The following WWP1 variants were observed in gnomAD, a reference collection of about 807,000 sequenced individuals.
The protein encoded by WWP1 is WW domain containing E3 ubiquitin protein ligase 1.
In WWP1, 49 loss-of-function variants were observed where a neutral mutation model predicts 130.6. That is an observed-to-expected ratio of 0.38 (90% CI 0.30 to 0.48). The LOEUF is 0.48. WWP1 is among the 20% of genes least tolerant of loss of function. The pLI is 0.99. For missense variants in WWP1, 809 were observed against 1,100.6 expected (o/e 0.74, Z 3.75); for synonymous variants, 332 against 367.8 (o/e 0.90, Z 1.11).
At chr8:86,424,858 G>GGGGGA (rs1809523395) in intron 9 of WWP1, among the ~76,000 whole-genome samples, 1 of 121,914 alleles carries the variant, frequency 8.2e-6, no homozygotes, top group Admixed American at 8.5e-5. Flanking sequence ...GGGAGGGGGA[G>GGGGGA]GGGGAGGGGA....
At position 86,435,497 on chromosome 8, in the gene WWP1, G is replaced by A; in HGVS notation, c.1647G>A (p.Trp549Ter). Reference sequence around the variant, plus strand: ...TTGCTTATGAACGCGGCTTTAGGTGGAAGCTTGCTCACTTCCGTTATTTGT... The same window carrying A: ...TTGCTTATGAACGCGGCTTTAGGTGAAAGCTTGCTCACTTCCGTTATTTGT... ...PQIAYERGFR[W>*]KLAHFRYLCQ... Residue 549 changes from tryptophan to a stop codon, truncating the protein, a stop_gained, in exon 15 of 25, where the codon TGG becomes TGA. Transcript: ENST00000517970. LOFTEE classifies it high-confidence loss of function. The A allele has an allele frequency of 6.2e-7, 1 of 1,614,124 alleles. No individual in the cohort carries two copies. The highest frequency in any genetic ancestry group is 8.5e-7 in the Non-Finnish European group (1 of 1,180,022).
chr8:86,424,693 C>T (rs1296946016), intron 9 of WWP1, among the ~76,000 whole-genome samples: 1 of 151,604 alleles, frequency 6.6e-6, no homozygotes, highest in Non-Finnish European at 1.5e-5. Context: ...CAATCGCAGG[C>T]ACTCGGCAGG....
chr8:86,448,350 G>GTA, intron 19 of WWP1, 23 bp from the exon 20 acceptor site: 2 of 1,603,078 alleles, frequency 1.2e-6, no homozygotes, highest in East Asian at 2.2e-5. Context: ...GTTAATTAGT[G>GTA]TATATATATT....
chr8:86,428,459 A>T (rs1046258476), intron 11 of WWP1, among the ~76,000 whole-genome samples: 2 of 152,222 alleles, frequency 1.3e-5, no homozygotes, highest in African/African-American at 2.4e-5. Flanking sequence ...GGACAACTAC[A>T]GATAGTGTTT....
At chr8:86,377,140 C>T (rs1279117257) in intron 3 of WWP1, among the ~76,000 whole-genome samples, 2 of 152,136 alleles carry the variant, frequency 1.3e-5, no homozygotes, top group Admixed American at 6.5e-5. Context: ...GGCTGGAGTG[C>T]AGTGGCGTGA....
At chr8:86,404,577 T>C (rs188760587) in intron 8 of WWP1, among the ~76,000 whole-genome samples, 1,906 of 152,306 alleles carry the variant, frequency 0.013, 50 homozygotes, top group Non-Finnish European at 0.014. Flanking sequence ...ACATGAAGGT[T>C]CCATCATAAA....
At position 86,360,384 on chromosome 8, in the gene WWP1, T is replaced by C. The variant is rs115091634; in HGVS notation, c.-114-8555T>C. Among the ~76,000 whole-genome samples, 1,504 of 152,322 alleles carry C rather than the reference T, an allele frequency of 9.9e-3. 28 individuals are homozygous for C. The highest frequency in any genetic ancestry group is 0.034 in the African/African-American group (1,434 of 41,578). ...ATCTTACCTTGGTGGAGTTGGTCACTGTTTCCTCCTCCTTGAAATTCTTCC... is the reference window on the plus strand; with the variant it reads ...ATCTTACCTTGGTGGAGTTGGTCACCGTTTCCTCCTCCTTGAAATTCTTCC... On this transcript the variant is annotated intron_variant, in intron 1 of 24. Coordinates refer to ENST00000517970, the MANE Select transcript of WWP1 (RefSeq NM_007013.4).
intron 1 of WWP1, among the ~76,000 whole-genome samples, chr8:86,364,827 GAAAGAA>G (rs763439842): frequency 6.7e-4 from 82 of 122,694 alleles, no homozygotes; most frequent in African/African-American, 2.1e-3. Context: ...AAGAAAGAAA[GAAAGAA>G]AGAGAGAGAG....
At chr8:86,361,852 G>C (rs1344950059) in intron 1 of WWP1, among the ~76,000 whole-genome samples, 1 of 151,680 alleles carries the variant, frequency 6.6e-6, no homozygotes, top group Admixed American at 6.6e-5. Flanking sequence ...ACTTAAAATT[G>C]AGTCACGTGT....
intron 2 of WWP1, among the ~76,000 whole-genome samples, chr8:86,373,087 T>G (rs1586287941): frequency 8.4e-6 from 1 of 119,516 alleles, no homozygotes; most frequent in East Asian, 2.2e-4. Context: ...TTTTTTTTTG[T>G]AATTTCCAAC....
intron 5 of WWP1, among the ~76,000 whole-genome samples, chr8:86,392,331 A>C (rs571299112): frequency 6.6e-6 from 1 of 152,340 alleles, no homozygotes; most frequent in East Asian, 1.9e-4. Context: ...TACACATTAG[A>C]GTATATTCAG....
chr8:86,366,781 A>G (rs1221155303), intron 1 of WWP1, among the ~76,000 whole-genome samples: 2 of 152,168 alleles, frequency 1.3e-5, no homozygotes, highest in Non-Finnish European at 2.9e-5. Context: ...TTAAAACCTG[A>G]TGCTCCTGAG....
At position 86,402,116 on chromosome 8, in the gene WWP1, A is replaced by G; in HGVS notation, c.637A>G (p.Thr213Ala). The change falls in exon 8 of 25, where the codon ACA becomes GCA. Residue 213 changes from threonine (T) to alanine (A), a missense_variant. Thr to Ala is a moderately conservative substitution (Grantham distance 58). This residue lies in a region of WWP1 where 262 missense variants were observed against 346.0 expected (regional missense o/e 0.76). Transcript: ENST00000517970. Reference protein sequence around the residue: ...CCSYVVNGDNTPSSPSQVAAR... With the variant: ...CCSYVVNGDNAPSSPSQVAAR... ...CTCGTATGTAGTTAATGGAGACAAC[A>G]CACCTTCATCTCCGTCTCAGGTTGC... 1 of 1,614,198 alleles carries G rather than the reference A, an allele frequency of 6.2e-7. No individual in the cohort carries two copies. Among genetic ancestry groups the G allele is most frequent in the Non-Finnish European group, 8.5e-7 (1 of 1,180,032 alleles).
At chr8:86,391,511 G>GAA (rs55945339) in intron 5 of WWP1, among the ~76,000 whole-genome samples, 6 of 149,884 alleles carry the variant, frequency 4.0e-5, no homozygotes, top group East Asian at 3.9e-4. Context: ...AACTACATAG[G>GAA]AAAAAAAAAA....
At chr8:86,362,163 CATATATATATATATATATATATAT>C (rs34231831) in intron 1 of WWP1, among the ~76,000 whole-genome samples, 8 of 59,028 alleles carry the variant, frequency 1.4e-4, no homozygotes, top group African/African-American at 6.9e-4. Flanking sequence ...ATATACAAGG[CATATATATATATATATATATATAT>C]ATATATATAT....
chr8:86,360,077 A>C (rs1192102668), intron 1 of WWP1, among the ~76,000 whole-genome samples: 2 of 151,646 alleles, frequency 1.3e-5, no homozygotes, highest in Non-Finnish European at 2.9e-5. Flanking sequence ...ACAAAAAAAA[A>C]ACACAATCCT....
At chr8:86,434,459 G>A (rs1810173355) in intron 14 of WWP1, among the ~76,000 whole-genome samples, 1 of 152,058 alleles carries the variant, frequency 6.6e-6, no homozygotes, top group Admixed American at 6.6e-5. Context: ...TATGGCTTTT[G>A]CCCTCTCCTT....
rs369508849 is a variant in WWP1, at chr8:86,406,652, C to CTG, written c.724+4457_724+4458dup. Among the ~76,000 whole-genome samples the CTG allele has an allele frequency of 4.3e-3, 647 of 152,124 alleles. 6 individuals carry two copies. Among genetic ancestry groups the CTG allele is most frequent in the African/African-American group, 0.015 (612 of 41,470 alleles). On this transcript the variant is annotated intron_variant, in intron 8 of 24. Coordinates refer to ENST00000517970, the MANE Select transcript of WWP1 (RefSeq NM_007013.4). Reference sequence around the variant, plus strand: ...CTTGTTCACATTTCACCATTTCTACCTGTGTGTGTATGTGTGTGTGTGTGT... The same window carrying CTG: ...CTTGTTCACATTTCACCATTTCTACCTGTGTGTGTGTATGTGTGTGTGTGTGT...
intron 8 of WWP1, among the ~76,000 whole-genome samples, chr8:86,406,119 C>T (rs1808265795): frequency 6.6e-6 from 1 of 152,148 alleles, no homozygotes; most frequent in Non-Finnish European, 1.5e-5. Context: ...GATTTAGCTT[C>T]TGACAGGAGG....
Sources: allele counts gnomAD v4.1 joint callset (sites outside exome capture counted in the v4.1 genomes callset), GRCh38; gene constraint gnomAD v4.1.1; regional missense constraint gnomAD v4.1.1; transcripts MANE v1.5; gene names NCBI Gene and HGNC (gene_info 2026-07-23, HGNC 2026-07-21).